Variants in HDAC8 observed in about 807,000 individuals in gnomAD.
HDAC8 encodes histone deacetylase 8.
HDAC8 carries 1 observed loss-of-function variant against 32.2 expected under a neutral mutation model. That is an observed-to-expected ratio of 0.03 (90% CI 0.01 to 0.15). The LOEUF (loss-of-function observed/expected upper bound fraction) is 0.15, where lower values mean the gene tolerates loss of function less well. Among genes scored for constraint, HDAC8 ranks in the 10% least tolerant of loss-of-function variants. HDAC8 has a pLI of 1.00. For missense variants in HDAC8, 117 were observed against 300.0 expected (o/e 0.39, Z 4.51); for synonymous variants, 108 against 113.9 (o/e 0.95, Z 0.33).
chrX:72,333,617 G>T (rs1211208237), intron 10 of HDAC8, among the ~76,000 whole-genome samples: 1 of 108,254 alleles, frequency 9.2e-6, no homozygotes, highest in Non-Finnish European at 1.9e-5. Flanking sequence ...CTTGAACCTG[G>T]GAGGTGGAGG....
chrX:72,458,980 T>A (rs918987105), intron 9 of HDAC8, among the ~76,000 whole-genome samples: 1 of 111,736 alleles, frequency 8.9e-6, no homozygotes, highest in African/African-American at 3.3e-5. Context: ...CATAGCAAAT[T>A]TTTCACTGGT....
At chrX:72,367,704 C>T (rs1555954875) in intron 9 of HDAC8, among the ~76,000 whole-genome samples, 2 of 112,300 alleles carry the variant, frequency 1.8e-5, no homozygotes, top group Non-Finnish European at 1.9e-5. Flanking sequence ...CATTTTAATG[C>T]CCCTCTAATG....
At chrX:72,536,927 G>A (rs2050546311) in intron 4 of HDAC8, among the ~76,000 whole-genome samples, 1 of 111,999 alleles carries the variant, frequency 8.9e-6, no homozygotes, top group South Asian at 3.7e-4. Context: ...TGACAATGAT[G>A]TAATTGACCC....
At chrX:72,483,221 T>TA (rs1375505170) in intron 7 of HDAC8, among the ~76,000 whole-genome samples, 3 of 111,788 alleles carry the variant, frequency 2.7e-5, no homozygotes, top group Non-Finnish European at 5.6e-5. Flanking sequence ...ACCCTATTGA[T>TA]ATAGTTTGAA....
chrX:72,512,069 A>C (rs185674522), intron 4 of HDAC8, among the ~76,000 whole-genome samples: 18 of 112,151 alleles, frequency 1.6e-4, no homozygotes, highest in Non-Finnish European at 3.0e-4. Context: ...AATTCTATGA[A>C]TTTACCTCTT....
At chrX:72,410,589 G>A (rs1326113844) in intron 9 of HDAC8, among the ~76,000 whole-genome samples, 5 of 111,817 alleles carry the variant, frequency 4.5e-5, no homozygotes, top group Non-Finnish European at 9.4e-5. Context: ...AGTTTCCTCA[G>A]CAGTAAAACA....
intron 9 of HDAC8, among the ~76,000 whole-genome samples, chrX:72,451,794 T>C (rs1555987500): frequency 8.9e-6 from 1 of 112,745 alleles, no homozygotes; most frequent in African/African-American, 3.2e-5. Flanking sequence ...ACATCTATTT[T>C]CAGAAATTGG....
At chrX:72,368,353 CA>C (rs2044761826) in intron 9 of HDAC8, among the ~76,000 whole-genome samples, 1 of 90,651 alleles carries the variant, frequency 1.1e-5, no homozygotes, top group Admixed American at 1.2e-4. Context: ...TGTGTTTCCA[CA>C]AGGCTTTTTT....
chrX:72,483,881 C>T (rs1169324692), intron 7 of HDAC8, among the ~76,000 whole-genome samples: 2 of 111,744 alleles, frequency 1.8e-5, no homozygotes, highest in Admixed American at 1.9e-4. Flanking sequence ...AAGATTCTAC[C>T]CAGGAATAAA....
intron 4 of HDAC8, among the ~76,000 whole-genome samples, chrX:72,552,332 C>T (rs888892708): frequency 5.4e-5 from 6 of 110,490 alleles, no homozygotes; most frequent in Admixed American, 9.6e-5. Flanking sequence ...CCAGGTGGCC[C>T]GGGCACAGTG....
intron 9 of HDAC8, among the ~76,000 whole-genome samples, chrX:72,382,649 C>T (rs782432655): frequency 3.6e-5 from 4 of 112,267 alleles, no homozygotes; most frequent in South Asian, 3.7e-4. Context: ...TAAAAGACCA[C>T]ATATTGCAGG....
At chrX:72,518,523 T>A (rs895793362) in intron 4 of HDAC8, among the ~76,000 whole-genome samples, 15 of 111,814 alleles carry the variant, frequency 1.3e-4, no homozygotes, top group Non-Finnish European at 2.6e-4. Context: ...CAGCTTTCCC[T>A]ATTATTAACA....
At chrX:72,531,610 A>G (rs2050341806) in intron 4 of HDAC8, among the ~76,000 whole-genome samples, 1 of 111,794 alleles carries the variant, frequency 8.9e-6, no homozygotes, top group Non-Finnish European at 1.9e-5. Flanking sequence ...ATTAACAATA[A>G]CTACTCCCCA....
chrX:72,386,920 C>T (rs782662788), intron 9 of HDAC8, among the ~76,000 whole-genome samples: 34 of 112,019 alleles, frequency 3.0e-4, no homozygotes, highest in Admixed American at 2.0e-3. Flanking sequence ...CAGTTGTTGC[C>T]CTGATTGCCA....
intron 4 of HDAC8, among the ~76,000 whole-genome samples, chrX:72,542,983 C>G (rs1197743076): frequency 8.9e-6 from 1 of 112,095 alleles, no homozygotes; most frequent in Non-Finnish European, 1.9e-5. Flanking sequence ...TATCATCTCC[C>G]TTTTATAGTC....
chrX:72,512,381 CT>C (rs1225886744), intron 4 of HDAC8, among the ~76,000 whole-genome samples: 1 of 111,538 alleles, frequency 9.0e-6, no homozygotes, highest in East Asian at 2.8e-4. Flanking sequence ...GGATCCTGCC[CT>C]TGAGTTCACA....
chrX:72,350,827 C>T (rs974805767), intron 10 of HDAC8, among the ~76,000 whole-genome samples: 1 of 111,794 alleles, frequency 8.9e-6, no homozygotes, highest in Non-Finnish European at 1.9e-5. Flanking sequence ...CTGCCACTTC[C>T]CCTCTACCCC....
intron 9 of HDAC8, among the ~76,000 whole-genome samples, chrX:72,364,005 C>T (rs2044629431): frequency 8.9e-6 from 1 of 111,737 alleles, no homozygotes; most frequent in Non-Finnish European, 1.9e-5. Context: ...AACAGGGAAG[C>T]AGGCCATGAT....
intron 10 of HDAC8, among the ~76,000 whole-genome samples, chrX:72,331,180 C>A (rs1316064901): frequency 9.1e-6 from 1 of 109,934 alleles, no homozygotes. Flanking sequence ...CTCTTGATCT[C>A]GTGATCCACC....
Sources: gnomAD v4.1 joint callset for allele counts (sites outside exome capture counted in the v4.1 genomes callset) on GRCh38, gnomAD v4.1.1 for gene constraint, MANE v1.5 for transcripts, NCBI Gene and HGNC (gene_info 2026-07-23, HGNC 2026-07-21) for gene names.